Variants in RHD observed in about 807,000 individuals in gnomAD.
The protein encoded by RHD is blood group Rh(D) polypeptide.
A neutral mutation model predicts 45.5 loss-of-function variants in RHD; 16 were observed. That is an observed-to-expected ratio of 0.35 (90% CI 0.24 to 0.53). The LOEUF (loss-of-function observed/expected upper bound fraction) is 0.53, where lower values mean the gene tolerates loss of function less well. Ranked by LOEUF, RHD falls within the 20% of genes least tolerant of loss-of-function variation. RHD has a pLI of 0.92. For synonymous variants in RHD, 131 were observed against 217.5 expected (o/e 0.60, Z 3.50); for missense variants, 306 against 532.0 (o/e 0.58, Z 4.18).
At position 25,306,639 on chromosome 1, in the gene RHD, T is replaced by A. The variant is rs1643863002; in HGVS notation, c.983T>A (p.Met328Lys). Residue 328 changes from methionine to lysine, a missense_variant, in exon 7 of 10, where the codon ATG becomes AAG. Met to Lys is a moderately conservative substitution (Grantham distance 95). Coordinates refer to ENST00000328664, the MANE Select transcript of RHD (RefSeq NM_016124.6). ...CTGGGGATTCCCCACAGCTCCATCA[T>A]GGGCTACAACTTCAGCTTGCTGGGT... Reference protein sequence around the residue: ...RVLGIPHSSIMGYNFSLLGLL... With the variant: ...RVLGIPHSSIKGYNFSLLGLL... 2 of 1,378,532 alleles carry A rather than the reference T, an allele frequency of 1.5e-6. No homozygotes were observed. The highest frequency in any genetic ancestry group is 4.5e-5 in the East Asian group (2 of 44,628). 85.4% of individuals were successfully genotyped at this position (1,378,532 alleles called of 1,614,324 possible).
At chr1:25,289,342 G>A (rs1230842758) in intron 2 of RHD, among the ~76,000 whole-genome samples, 1 of 127,050 alleles carries the variant, frequency 7.9e-6, no homozygotes, top group African/African-American at 2.7e-5. Flanking sequence ...TTACAAGCAT[G>A]CACCACCATG....
In RHD at chr1:25,274,498, C is replaced by T. The variant is rs377380848; in HGVS notation, c.148+1803C>T. 3.1e-4 allele frequency among the ~76,000 whole-genome samples: 41 copies of T among 132,562 alleles called. 6 individuals are homozygous for T. The highest frequency in any genetic ancestry group is 7.7e-4 in the African/African-American group (30 of 38,952). The allele number at this position is 132,562 out of a possible 152,430, so 87.0% of individuals were successfully genotyped here. On this transcript the variant is annotated intron_variant, in intron 1 of 9. Transcript: ENST00000328664. ...AATGTCCTCAGAAACTCACTTTATA[C>T]GGAAGCTCAGAGGAGGGTCCACAAC...
chr1:25,301,674 GA>G lies in RHD; in HGVS notation c.791del (p.Lys264ArgfsTer24). 1 of 1,379,838 alleles carries G rather than the reference GA, an allele frequency of 7.2e-7. No homozygotes were observed. Among genetic ancestry groups the G allele is most frequent in the Middle Eastern group, 1.8e-4 (1 of 5,494 alleles). 85.5% of individuals were successfully genotyped at this position (1,379,838 alleles called of 1,614,324 possible). A position where few individuals can be genotyped will look rare whatever the true frequency, so the allele number is the denominator to read the frequency against. ...GGTCATCCTTGGCTCACCCCCAAGG[GA>G]AGATCAGCAAGGTGAGCAGGGCGCT... ...SGSSLAHPQG[K>X]ISKTYVHSAV... On this transcript the variant is annotated frameshift_variant, in exon 5 of 10. Transcript: ENST00000328664. LOFTEE classifies it high-confidence loss of function.
At position 25,330,109 on chromosome 1, in the gene RHD, T is replaced by TTCTGA. The variant is rs1390565939; in HGVS notation, c.*1186_*1190dup. 1 of 132,814 alleles carries TTCTGA rather than the reference T, an allele frequency of 7.5e-6. No homozygotes were observed. The highest frequency in any genetic ancestry group is 2.6e-5 in the African/African-American group (1 of 38,848). The allele number at this position is 132,814 out of a possible 1,614,324, so 8.2% of individuals were successfully genotyped here. On this transcript the variant is annotated 3_prime_UTR_variant, in exon 10 of 10. Transcript: ENST00000328664. ...AGCGTGTGGCAGTGTTTAAATGCTCTTCTGAAGGCTGATACGACAGCTCTC... is the reference window on the plus strand; with the variant it reads ...AGCGTGTGGCAGTGTTTAAATGCTCTTCTGATCTGAAGGCTGATACGACAGCTCTC...
At chr1:25,273,052 G>A (rs543467426) in intron 1 of RHD, among the ~76,000 whole-genome samples, 1 of 131,738 alleles carries the variant, frequency 7.6e-6, no homozygotes, top group East Asian at 2.0e-4. Context: ...TATAGATTTA[G>A]GGGATACAAG....
At chr1:25,319,238 TAGAGGA>T (rs1254356432) in intron 8 of RHD, among the ~76,000 whole-genome samples, 1 of 132,260 alleles carries the variant, frequency 7.6e-6, no homozygotes, top group Non-Finnish European at 1.8e-5. Context: ...AAAAAGAGAA[TAGAGGA>T]AAAGACAATC....
Position 25,301,602 on chromosome 1 carries a change from C to G in RHD, c.717C>G (p.Phe239Leu). Residue 239 changes from phenylalanine to leucine, a missense_variant, in exon 5 of 10, where the codon TTC becomes TTG. Coordinates refer to ENST00000328664, the MANE Select transcript of RHD (RefSeq NM_016124.6). Reference sequence around the variant, plus strand: ...CAATCGAAAGGAAGAATGCCGTGTTCAACACCTACTATGCTGTAGCAGTCA... The same window carrying G: ...CAATCGAAAGGAAGAATGCCGTGTTGAACACCTACTATGCTGTAGCAGTCA... ...RSPIERKNAVFNTYYAVAVSV... is the reference protein window; with the variant it reads ...RSPIERKNAVLNTYYAVAVSV... 1.4e-6 allele frequency: 2 copies of G among 1,380,124 alleles called. 1 individual carries two copies. Among genetic ancestry groups the G allele is most frequent in the Non-Finnish European group, 2.0e-6 (2 of 979,160 alleles). 85.5% of individuals were successfully genotyped at this position (1,380,124 alleles called of 1,614,324 possible). A position where few individuals can be genotyped will look rare whatever the true frequency, so the allele number is the denominator to read the frequency against.
At position 25,279,228 on chromosome 1, in the gene RHD, C is replaced by T. The variant is rs368813940; in HGVS notation, c.149-5345C>T. Among the ~76,000 whole-genome samples the T allele has an allele frequency of 4.7e-5, 6 of 126,512 alleles. 1 individual carries two copies. The highest frequency in any genetic ancestry group is 7.7e-5 in the Admixed American group (1 of 12,976). The allele number at this position is 126,512 out of a possible 152,430, so 83.0% of individuals were successfully genotyped here. On this transcript the variant is annotated intron_variant, in intron 1 of 9. Transcript: ENST00000328664. ...TCACACCGCTAATCAGCGGCCGGCA[C>T]GGGGTAACAGTTACTAACACTCACT...
chr1:25,307,496 T>C lies in RHD; in HGVS notation c.1073+767T>C, dbSNP rs368327668. ...GCATGATGATAATCATATTCACTGA[T>C]AACATTTACTACTGTTATTGACTGC... On this transcript the variant is annotated intron_variant, in intron 7 of 9. Coordinates refer to ENST00000328664, the MANE Select transcript of RHD (RefSeq NM_016124.6). The C allele has an allele frequency of 6.1e-6, 3 of 492,384 alleles. 1 individual carries two copies. The South Asian group carries it at 6.5e-5, about 11-fold the overall frequency. The allele number at this position is 492,384 out of a possible 1,614,324, so 30.5% of individuals were successfully genotyped here.
chr1:25,284,817 A>T, intron 2 of RHD, 58 bp downstream of exon 2: 2 of 1,329,492 alleles, frequency 1.5e-6, no homozygotes, highest in South Asian at 2.4e-5. Flanking sequence ...CCCCGAAAGG[A>T]CAGGTTCCAG....
chr1:25,286,643 G>A (rs540714548), intron 2 of RHD, among the ~76,000 whole-genome samples: 11 of 133,108 alleles, frequency 8.3e-5, no homozygotes, highest in East Asian at 3.9e-4. Context: ...AAAATTAGCC[G>A]GGCGTGGTGG....
intron 2 of RHD, among the ~76,000 whole-genome samples, chr1:25,286,680 G>A (rs1448459323): frequency 3.7e-5 from 5 of 134,216 alleles, no homozygotes; most frequent in African/African-American, 1.3e-4. Flanking sequence ...CAGCCACTCG[G>A]GAGGCTGAGG....
At chr1:25,300,511 CAAAAA>C (rs59194477) in intron 3 of RHD, among the ~76,000 whole-genome samples, 2 of 96,520 alleles carry the variant, frequency 2.1e-5, no homozygotes, top group African/African-American at 3.5e-5. Context: ...GACTCTGTCT[CAAAAA>C]AAAAAAAAAA....
At chr1:25,320,009 C>T (rs1644612122) in intron 8 of RHD, among the ~76,000 whole-genome samples, 1 of 131,542 alleles carries the variant, frequency 7.6e-6, no homozygotes, top group Admixed American at 7.4e-5. Flanking sequence ...AGTGATTCTC[C>T]TGCCTCAGCC....
intron 1 of RHD, among the ~76,000 whole-genome samples, chr1:25,278,176 T>C (rs1641182497): frequency 7.7e-6 from 1 of 129,316 alleles, no homozygotes; most frequent in African/African-American, 2.6e-5. Flanking sequence ...AGGAGATAAG[T>C]CAGCTGTACT....
rs184689268 is a variant in RHD at position 25,277,419 on chromosome 1, T to C, written c.148+4724T>C. On this transcript the variant is annotated intron_variant, in intron 1 of 9. Coordinates refer to ENST00000328664, the MANE Select transcript of RHD (RefSeq NM_016124.6). The stretch of plus-strand genomic sequence containing the variant: ...TCAGGCCCTAGGCCAGACCTACTGA[T>C]CAGAAGCTCTGGGCCTGGGGCCCAG... Among the ~76,000 whole-genome samples, 96 of 133,340 alleles carry C rather than the reference T, an allele frequency of 7.2e-4. 4 individuals carry two copies. In the East Asian group the frequency reaches 0.016, roughly 22 times the overall value. The allele number at this position is 133,340 out of a possible 152,430, so 87.5% of individuals were successfully genotyped here. A position where few individuals can be genotyped will look rare whatever the true frequency, so the allele number is the denominator to read the frequency against.
rs1202823069 is a variant in RHD, at chr1:25,299,469, C to T, written c.487-1477C>T. 4.6e-5 allele frequency among the ~76,000 whole-genome samples: 6 copies of T among 131,434 alleles called. 1 individual carries two copies. The highest frequency in any genetic ancestry group is 1.6e-4 in the African/African-American group (6 of 38,156). 86.2% of individuals were successfully genotyped at this position (131,434 alleles called of 152,430 possible). A position where few individuals can be genotyped will look rare whatever the true frequency, so the allele number is the denominator to read the frequency against. Reference sequence around the variant, plus strand: ...TCTTAGACACCCTCTACAGACAAGGCACCCCGATTGCTTGCACCCAGGGTG... The same window carrying T: ...TCTTAGACACCCTCTACAGACAAGGTACCCCGATTGCTTGCACCCAGGGTG... On this transcript the variant is annotated intron_variant, in intron 3 of 9. Coordinates refer to ENST00000328664, the MANE Select transcript of RHD (RefSeq NM_016124.6).
intron 6 of RHD, 80 bp from the exon 7 acceptor site, chr1:25,306,516 A>T: frequency 7.8e-7 from 1 of 1,275,504 alleles, no homozygotes; most frequent in Non-Finnish European, 1.1e-6. Flanking sequence ...GTGGCCCCGG[A>T]TACCAAGGGT....
At position 25,284,960 on chromosome 1, in the gene RHD, T is replaced by C. The variant is rs1641838220; in HGVS notation, c.335+201T>C. On this transcript the variant is annotated intron_variant, in intron 2 of 9. Transcript: ENST00000328664. ...CATCCTGTATTTTACTGGACAGCCCTACTCCGTGTATCACAAGGAATCCAG... is the reference window on the plus strand; with the variant it reads ...CATCCTGTATTTTACTGGACAGCCCCACTCCGTGTATCACAAGGAATCCAG... Among the ~76,000 whole-genome samples, 2 of 135,096 alleles carry C rather than the reference T, an allele frequency of 1.5e-5. 1 individual carries two copies. Among genetic ancestry groups the C allele is most frequent in the African/African-American group, 5.1e-5 (2 of 39,072 alleles). The allele number at this position is 135,096 out of a possible 152,430, so 88.6% of individuals were successfully genotyped here. A position where few individuals can be genotyped will look rare whatever the true frequency, so the allele number is the denominator to read the frequency against.
Sources: allele counts gnomAD v4.1 joint callset (sites outside exome capture counted in the v4.1 genomes callset), GRCh38; gene constraint gnomAD v4.1.1; transcripts MANE v1.5; gene names NCBI Gene and HGNC (gene_info 2026-07-23, HGNC 2026-07-21).